TAF8: variants seen among roughly 807,000 people sequenced by gnomAD.
TAF8 encodes the protein transcription initiation factor TFIID subunit 8.
TAF8 carries 47 observed loss-of-function variants against 36.5 expected under a neutral mutation model. The observed-to-expected ratio is 1.29, with a 90% confidence interval of 1.02 to 1.64. The LOEUF (loss-of-function observed/expected upper bound fraction) is 1.64, where lower values mean the gene tolerates loss of function less well. Ranked by LOEUF, TAF8 falls within the 40% of genes most tolerant of loss-of-function variation. The pLI is 0.00. For synonymous variants in TAF8, 175 were observed against 159.5 expected (o/e 1.10, Z -0.73); for missense variants, 420 against 407.6 (o/e 1.03, Z -0.26).
At chr6:42,085,074 A>C (rs1766005691), downstream of TAF8, among the ~76,000 whole-genome samples, 1 of 152,162 alleles carries the variant, frequency 6.6e-6, no homozygotes, top group South Asian at 2.1e-4. Context: ...CATCCTCTAG[A>C]GGCAGTCTGT....
intron 7 of TAF8, among the ~76,000 whole-genome samples, chr6:42,069,759 A>G (rs1765495290): frequency 1.3e-5 from 2 of 152,188 alleles, no homozygotes; most frequent in Admixed American, 1.3e-4. Flanking sequence ...GGTCGTGTCT[A>G]AAAACATGAG....
Position 42,078,758 on chromosome 6 carries a change from C to G in TAF8, c.*1213C>G. 1 of 985,486 alleles carries G rather than the reference C, an allele frequency of 1.0e-6. No homozygotes were observed. The highest frequency in any genetic ancestry group is 1.2e-6 in the Non-Finnish European group (1 of 829,958). The allele number at this position is 985,486 out of a possible 1,614,324, so 61.0% of individuals were successfully genotyped here. A position where few individuals can be genotyped will look rare whatever the true frequency, so the allele number is the denominator to read the frequency against. On this transcript the variant is annotated 3_prime_UTR_variant, in exon 9 of 9. Transcript: ENST00000372977. ...TACCCCTTCTGGAAGAAGAGGTTTT[C>G]TCTGACAAGAGCCTAGAGCGTCGGC...
chr6:42,076,959 C>A, intron 7 of TAF8, 141 bp from the exon 8 acceptor site: 2 of 1,073,954 alleles, frequency 1.9e-6, no homozygotes, highest in Non-Finnish European at 2.6e-6. Flanking sequence ...TTCATCGGGG[C>A]AGAGATAGGA....
At chr6:42,071,009 G>A (rs548355016) in intron 7 of TAF8, among the ~76,000 whole-genome samples, 8 of 152,228 alleles carry the variant, frequency 5.3e-5, no homozygotes, top group African/African-American at 9.6e-5. Context: ...CATACTCAGC[G>A]AGTGAAAGGA....
At position 42,077,870 on chromosome 6, in the gene TAF8, C is replaced by A; in HGVS notation, c.*325C>A. On this transcript the variant is annotated 3_prime_UTR_variant, in exon 9 of 9. Coordinates refer to ENST00000372977, the MANE Select transcript of TAF8 (RefSeq NM_138572.3). ...ACCCTGGGTCCAAGTGATTCTCCTG[C>A]CTTGGCCTCCCGAGTAGCTGGGACT... 1 of 618,532 alleles carries A rather than the reference C, an allele frequency of 1.6e-6. No homozygotes were observed. Among genetic ancestry groups the A allele is most frequent in the Non-Finnish European group, 2.2e-6 (1 of 447,122 alleles). The allele number at this position is 618,532 out of a possible 1,614,324, so 38.3% of individuals were successfully genotyped here.
intron 4 of TAF8, chr6:42,056,310 G>A (rs1010676688): frequency 1.6e-5 from 5 of 303,188 alleles, no homozygotes; most frequent in Non-Finnish European, 3.1e-5. Flanking sequence ...TTAGATTAAG[G>A]GTTGGTAAAT....
In TAF8 at chr6:42,083,147, A is replaced by C. The variant is rs776077231; in HGVS notation, c.*5602A>C. 14 of 152,320 alleles carry C rather than the reference A, an allele frequency of 9.2e-5. No homozygotes were observed. Among genetic ancestry groups the C allele is most frequent in the Non-Finnish European group, 1.8e-4 (12 of 68,028 alleles). The allele number at this position is 152,320 out of a possible 1,614,324, so 9.4% of individuals were successfully genotyped here. ...TGGCAGCTGCTATTATGTTACTGTCAATATGACCTTATGTATTCTTCCAGA... is the reference window on the plus strand; with the variant it reads ...TGGCAGCTGCTATTATGTTACTGTCCATATGACCTTATGTATTCTTCCAGA... On this transcript the variant is annotated 3_prime_UTR_variant, in exon 9 of 9. Coordinates refer to ENST00000372977, the MANE Select transcript of TAF8 (RefSeq NM_138572.3).
At chr6:42,062,457 C>T (rs1300876112) in intron 5 of TAF8, among the ~76,000 whole-genome samples, 1 of 151,822 alleles carries the variant, frequency 6.6e-6, no homozygotes, top group Non-Finnish European at 1.5e-5. Flanking sequence ...ACACGATCAA[C>T]CCTTTACAAA....
intron 7 of TAF8, among the ~76,000 whole-genome samples, chr6:42,073,291 AGT>A (rs1238580422): frequency 6.6e-6 from 1 of 152,198 alleles, no homozygotes; most frequent in Non-Finnish European, 1.5e-5. Flanking sequence ...TCACTCAACC[AGT>A]GTTTATTTAG....
intron 5 of TAF8, among the ~76,000 whole-genome samples, chr6:42,058,926 G>T (rs891750020): frequency 6.6e-6 from 1 of 152,026 alleles, no homozygotes; most frequent in African/African-American, 2.4e-5. Context: ...TCTTCACATG[G>T]CATTCTTTTT....
At chr6:42,053,170 G>T (rs1009967231) in intron 2 of TAF8, among the ~76,000 whole-genome samples, 2 of 152,094 alleles carry the variant, frequency 1.3e-5, no homozygotes, top group African/African-American at 4.8e-5. Context: ...GGGACTACAG[G>T]CATGTGCCAC....
intron 2 of TAF8, among the ~76,000 whole-genome samples, chr6:42,052,532 G>A (rs1428635134): frequency 1.3e-5 from 2 of 152,176 alleles, no homozygotes; most frequent in Non-Finnish European, 2.9e-5. Flanking sequence ...ATGTTGGCCA[G>A]GCTGGTCTTG....
intron 7 of TAF8, among the ~76,000 whole-genome samples, chr6:42,071,631 A>C (rs532157647): frequency 2.0e-5 from 3 of 149,882 alleles, no homozygotes; most frequent in Non-Finnish European, 3.0e-5. Flanking sequence ...GCCTGGATAT[A>C]CTTTTTTTTT....
At chr6:42,073,399 G>A (rs1203163424) in intron 7 of TAF8, among the ~76,000 whole-genome samples, 1 of 152,212 alleles carries the variant, frequency 6.6e-6, no homozygotes, top group African/African-American at 2.4e-5. Flanking sequence ...GAGTTTGGCT[G>A]TGGGAGAATG....
intron 2 of TAF8, 51 bp downstream of exon 2, chr6:42,051,564 G>A: frequency 1.3e-6 from 2 of 1,579,288 alleles, no homozygotes; most frequent in Non-Finnish European, 1.7e-6. Context: ...CATCAGTTCT[G>A]TGCCCTGCTT....
chr6:42,084,340 G>A (rs549070432), downstream of TAF8, among the ~76,000 whole-genome samples: 3 of 152,310 alleles, frequency 2.0e-5, no homozygotes, highest in East Asian at 5.8e-4. Flanking sequence ...CAGGCACGGT[G>A]CTAAGCACTT....
chr6:42,058,931 C>CT (rs1417472770), intron 5 of TAF8, among the ~76,000 whole-genome samples: 1 of 151,884 alleles, frequency 6.6e-6, no homozygotes, highest in Non-Finnish European at 1.5e-5. Context: ...ACATGGCATT[C>CT]TTTTTTGTGT....
intron 2 of TAF8, among the ~76,000 whole-genome samples, chr6:42,054,249 A>G (rs1353956956): frequency 3.3e-5 from 5 of 152,298 alleles, no homozygotes; most frequent in African/African-American, 9.6e-5. Context: ...GTGACTCTTA[A>G]ATAGAGGTTC....
intron 2 of TAF8, among the ~76,000 whole-genome samples, chr6:42,053,579 GA>G (rs941334819): frequency 1.1e-4 from 15 of 135,170 alleles, no homozygotes; most frequent in Non-Finnish European, 3.2e-5. Flanking sequence ...AAAAAAAAAA[GA>G]AAAAAAAAGA....
Sources: gnomAD v4.1 joint callset for allele counts (sites outside exome capture counted in the v4.1 genomes callset) on GRCh38, gnomAD v4.1.1 for gene constraint, MANE v1.5 for transcripts, NCBI Gene and HGNC (gene_info 2026-07-23, HGNC 2026-07-21) for gene names.